The following ATP9B variants were observed in gnomAD, a reference collection of about 807,000 sequenced individuals.
ATP9B encodes the protein probable phospholipid-transporting ATPase IIB.
ATP9B carries 110 observed loss-of-function variants against 146.1 expected under a neutral mutation model. That is an observed-to-expected ratio of 0.75 (90% confidence interval 0.65 to 0.88). ATP9B has a LOEUF of 0.88. ATP9B is among the 40% of genes least tolerant of loss of function. ATP9B has a pLI of 0.00. For missense variants in ATP9B, 1,499 were observed against 1,496.4 expected, an observed-to-expected ratio of 1.00 and a Z score of -0.03; for synonymous variants, 604 against 569.7, an observed-to-expected ratio of 1.06 and a Z score of -0.86.
chr18:79,121,368 T>G (rs967625017), intron 4 of ATP9B, among the ~76,000 whole-genome samples: 1 of 152,208 alleles, frequency 6.6e-6, no homozygotes, highest in African/African-American at 2.4e-5. Flanking sequence ...TGGCCCTTCT[T>G]GCTTCCAGTT....
intron 7 of ATP9B, among the ~76,000 whole-genome samples, chr18:79,176,247 C>T (rs749802579): frequency 6.6e-6 from 1 of 152,126 alleles, no homozygotes; most frequent in African/African-American, 2.4e-5. Flanking sequence ...AGAATAGATT[C>T]TGAGAAGTGG....
At chr18:79,175,903 G>A (rs1447283199) in intron 7 of ATP9B, among the ~76,000 whole-genome samples, 1 of 152,150 alleles carries the variant, frequency 6.6e-6, no homozygotes, top group Admixed American at 6.5e-5. Flanking sequence ...CATGTATACA[G>A]TTATATATGC....
At chr18:79,347,748 G>T in intron 23 of ATP9B, 22 bp from the exon 24 acceptor site, 1 of 1,513,222 alleles carries the variant, frequency 6.6e-7, no homozygotes, top group South Asian at 1.3e-5. Context: ...GTTTGAAAAG[G>T]CCCCGTGTGC....
chr18:79,231,102 C>T (rs1316049298), intron 11 of ATP9B, among the ~76,000 whole-genome samples: 3 of 152,124 alleles, frequency 2.0e-5, no homozygotes, highest in South Asian at 2.1e-4. Flanking sequence ...GCAAAGACTT[C>T]GTGACCAAGA....
At chr18:79,273,005 A>T (rs1378616326) in intron 12 of ATP9B, among the ~76,000 whole-genome samples, 1 of 152,208 alleles carries the variant, frequency 6.6e-6, no homozygotes, top group Non-Finnish European at 1.5e-5. Flanking sequence ...ATCTGGATGC[A>T]GGCACTGGAA....
chr18:79,303,610 TCAC>T lies in ATP9B; in HGVS notation c.1420_1422del (p.Thr474del). 1 of 1,613,710 alleles carries T rather than the reference TCAC, an allele frequency of 6.2e-7. No individual in the cohort carries two copies. Among genetic ancestry groups the T allele is most frequent in the South Asian group, 1.1e-5 (1 of 91,052 alleles). ...GTTGTCCCCTTTATCCTAGGAACCC[TCAC>T]CCAGAATGAAATGATATTTAAGCGG... On this transcript the variant is annotated inframe_deletion, in exon 14 of 30. Transcript: ENST00000426216.
In ATP9B at chr18:79,300,806, G is replaced by T. The variant is rs1026535103; in HGVS notation, c.1412-2798G>T. Among the ~76,000 whole-genome samples the T allele has an allele frequency of 1.3e-5, 2 of 152,222 alleles. 1 individual carries two copies. The highest frequency in any genetic ancestry group is 4.8e-5 in the African/African-American group (2 of 41,460). ...AAGTAATTGTTCGCTCTTGGTAGGA[G>T]CTATACAGGTGTTCATTATAATATT... is the stretch of plus-strand genomic sequence containing the variant. On this transcript the variant is annotated intron_variant, in intron 13 of 29. Transcript: ENST00000426216.
intron 19 of ATP9B, among the ~76,000 whole-genome samples, chr18:79,340,066 G>A: frequency 6.6e-6 from 1 of 152,160 alleles, no homozygotes; most frequent in East Asian, 1.9e-4. Context: ...GAGCCCCAGA[G>A]TTCATGGCAA....
intron 3 of ATP9B, among the ~76,000 whole-genome samples, chr18:79,111,730 G>A (rs928243298): frequency 5.9e-5 from 9 of 152,188 alleles, no homozygotes; most frequent in African/African-American, 2.2e-4. Context: ...TTTGATCAGT[G>A]TAAGTCCACA....
intron 1 of ATP9B, among the ~76,000 whole-genome samples, chr18:79,081,779 G>C (rs2073288324): frequency 6.6e-6 from 1 of 151,784 alleles, no homozygotes; most frequent in Admixed American, 6.6e-5. Context: ...GAGATCTGCT[G>C]TTAGTCTGAT....
At chr18:79,345,290 G>A in intron 21 of ATP9B, 138 bp from the exon 22 acceptor site, 1 of 1,023,984 alleles carries the variant, frequency 9.8e-7, no homozygotes, top group Admixed American at 2.3e-5. Context: ...CCTGTGAAAT[G>A]ATTCACAGAA....
At chr18:79,345,875 G>A (rs1293741639) in intron 23 of ATP9B, 36 bp downstream of exon 23, 4 of 1,609,966 alleles carry the variant, frequency 2.5e-6, no homozygotes, top group South Asian at 1.1e-5. Context: ...TTAGCACACA[G>A]TCAGCACACA....
At chr18:79,104,054 C>G (rs1036314363) in intron 2 of ATP9B, among the ~76,000 whole-genome samples, 3 of 152,192 alleles carry the variant, frequency 2.0e-5, no homozygotes, top group African/African-American at 7.2e-5. Flanking sequence ...AGGTCCTGAC[C>G]TGGTGACCTA....
intron 26 of ATP9B, chr18:79,372,502 C>A (rs1226658492): frequency 4.0e-6 from 2 of 500,434 alleles, no homozygotes; most frequent in Non-Finnish European, 7.8e-6. Flanking sequence ...TTGCCAAGAG[C>A]CTTTCCCCCT....
At chr18:79,255,632 A>T (rs761816365) in intron 12 of ATP9B, among the ~76,000 whole-genome samples, 1 of 152,242 alleles carries the variant, frequency 6.6e-6, no homozygotes, top group Non-Finnish European at 1.5e-5. Flanking sequence ...ACTGACTCAG[A>T]TGGAGGAGCT....
chr18:79,342,604 ATAATTAAT>A (rs554536358), intron 20 of ATP9B, among the ~76,000 whole-genome samples: 1 of 151,660 alleles, frequency 6.6e-6, no homozygotes, highest in Non-Finnish European at 1.5e-5. Context: ...AAATAAATAA[ATAATTAAT>A]TAATTAAAAA....
rs2095872837 is a variant in ATP9B, at chr18:79,239,864, G to A, written c.1108-13517G>A. Among the ~76,000 whole-genome samples, 1 of 152,218 alleles carries A rather than the reference G, an allele frequency of 6.6e-6. No individual in the cohort carries two copies. Among genetic ancestry groups the A allele is most frequent in the African/African-American group, 2.4e-5 (1 of 41,462 alleles). On this transcript the variant is annotated intron_variant, in intron 11 of 29. Transcript: ENST00000426216. This position sits in a 1 kb window ranked among gnomAD's most constrained non-coding sequence, Gnocchi z 5.1. Reference sequence around the variant, plus strand: ...AAGAGGCATCTGAATGTGGCTGGGAGAGCATGGTTCCTGAGGGCTAAGCGT... The same window carrying A: ...AAGAGGCATCTGAATGTGGCTGGGAAAGCATGGTTCCTGAGGGCTAAGCGT...
In ATP9B at chr18:79,168,986, G is replaced by C. The variant is rs532906269; in HGVS notation, c.779-7827G>C. Reference sequence around the variant, plus strand: ...CTCTGATCTTGGTCCTTTGGCCTTTGAGGTTCGTGACAGAAAAGAGCATCA... The same window carrying C: ...CTCTGATCTTGGTCCTTTGGCCTTTCAGGTTCGTGACAGAAAAGAGCATCA... On this transcript the variant is annotated intron_variant, in intron 7 of 29. Transcript: ENST00000426216. Among the ~76,000 whole-genome samples the C allele has an allele frequency of 2.0e-5, 3 of 152,194 alleles. No homozygotes were observed. The South Asian group carries it at 6.2e-4, about 32-fold the overall frequency.
chr18:79,084,905 T>C (rs1277671266), intron 1 of ATP9B, among the ~76,000 whole-genome samples: 1 of 151,538 alleles, frequency 6.6e-6, no homozygotes, highest in African/African-American at 2.4e-5. Context: ...TTATATTTTA[T>C]AAAAATTTCC....
Sources: allele counts gnomAD v4.1 joint callset (sites outside exome capture counted in the v4.1 genomes callset), GRCh38; gene constraint gnomAD v4.1.1; non-coding constraint Gnocchi (gnomAD v3.1); transcripts MANE v1.5; gene names NCBI Gene and HGNC (gene_info 2026-07-23, HGNC 2026-07-21).